DMGDH: variants seen among roughly 807,000 people sequenced by gnomAD.
DMGDH encodes dimethylglycine dehydrogenase, mitochondrial.
A neutral mutation model predicts 95.2 loss-of-function variants in DMGDH; 76 were observed. The observed-to-expected ratio is 0.80, with a 90% CI of 0.66 to 0.97. DMGDH has a LOEUF of 0.97. Ranked by LOEUF, DMGDH falls within the 50% of genes least tolerant of loss-of-function variation. The probability of loss-of-function intolerance (pLI) is 0.00; values close to 1 mark genes in which losing one functional copy is unlikely to be tolerated. For synonymous variants in DMGDH, 345 were observed against 377.6 expected (o/e 0.91, Z 1.00); for missense variants, 987 against 1,055.0 (o/e 0.94, Z 0.89).
chr5:79,018,233 G>A (rs1291796397), intron 14 of DMGDH, among the ~76,000 whole-genome samples: 1 of 152,070 alleles, frequency 6.6e-6, no homozygotes, highest in Non-Finnish European at 1.5e-5. Context: ...GGAGATGGAA[G>A]TCTCACTATG....
chr5:79,006,848 C>A (rs1561206457), intron 14 of DMGDH, among the ~76,000 whole-genome samples: 2 of 127,800 alleles, frequency 1.6e-5, no homozygotes, highest in African/African-American at 5.8e-5. Context: ...ACCTGAGACC[C>A]CCCCAGTCCA....
intron 1 of DMGDH, among the ~76,000 whole-genome samples, chr5:79,064,039 T>C (rs1356794154): frequency 1.3e-5 from 2 of 152,176 alleles, no homozygotes; most frequent in African/African-American, 2.4e-5. Flanking sequence ...AATGAACAAG[T>C]AGCTTCTTTT....
intron 13 of DMGDH, among the ~76,000 whole-genome samples, chr5:79,025,044 T>C (rs1753961765): frequency 1.3e-5 from 2 of 152,262 alleles, no homozygotes; most frequent in Admixed American, 1.3e-4. Flanking sequence ...CGTTGCCTCA[T>C]ATTTCTTAAT....
chr5:79,061,589 A>G (rs1755211157), intron 2 of DMGDH, among the ~76,000 whole-genome samples: 1 of 152,180 alleles, frequency 6.6e-6, no homozygotes, highest in African/African-American at 2.4e-5. Flanking sequence ...GGGACATCTA[A>G]GAAATAAAAT....
At chr5:79,021,469 G>GAA in intron 14 of DMGDH, 1 of 1,232,170 alleles carries the variant, frequency 8.1e-7, no homozygotes, top group Non-Finnish European at 1.0e-6. Context: ...AACAGCAGGG[G>GAA]AAGGAGGCTG....
chr5:79,043,230 G>A (rs542861413), intron 6 of DMGDH, among the ~76,000 whole-genome samples: 3 of 152,266 alleles, frequency 2.0e-5, no homozygotes, highest in Non-Finnish European at 4.4e-5. Flanking sequence ...TAGCACACAC[G>A]GGTACCCATG....
chr5:79,062,844 A>C (rs1755250427), intron 2 of DMGDH, among the ~76,000 whole-genome samples: 1 of 152,228 alleles, frequency 6.6e-6, no homozygotes, highest in South Asian at 2.1e-4. Context: ...CTGTAATCTC[A>C]GCACTTTGGG....
intron 7 of DMGDH, among the ~76,000 whole-genome samples, chr5:79,041,596 G>A (rs1026791394): frequency 3.3e-5 from 5 of 152,126 alleles, no homozygotes; most frequent in East Asian, 1.9e-4. Context: ...TTGTCACATC[G>A]TGTTATGAAA....
intron 7 of DMGDH, among the ~76,000 whole-genome samples, chr5:79,034,925 C>T (rs563599077): frequency 2.0e-5 from 3 of 151,248 alleles, no homozygotes; most frequent in East Asian, 1.9e-4. Context: ...GGCGTGTTGG[C>T]GGGCGCCTGT....
At chr5:78,998,563 GT>G (rs1199097724) in intron 15 of DMGDH, among the ~76,000 whole-genome samples, 3 of 152,180 alleles carry the variant, frequency 2.0e-5, no homozygotes, top group Non-Finnish European at 4.4e-5. Context: ...GTAATACTTG[GT>G]TTAGGCCAGG....
chr5:79,044,256 T>A, intron 6 of DMGDH, 48 bp downstream of exon 6: 4 of 1,613,772 alleles, frequency 2.5e-6, no homozygotes, highest in Non-Finnish European at 3.4e-6. Flanking sequence ...ATGGAGAGGA[T>A]GAACCATTCA....
Position 79,042,356 on chromosome 5 carries a change from A to G in DMGDH, c.1120T>C (p.Tyr374His). The G allele has an allele frequency of 4.3e-6, 7 of 1,614,228 alleles. No individual in the cohort carries two copies. Among genetic ancestry groups the G allele is most frequent in the Non-Finnish European group, 4.2e-6 (5 of 1,180,028 alleles). Residue 374 changes from tyrosine (Y) to histidine (H), a missense_variant, in exon 7 of 16, where the codon TAT (tyrosine) becomes CAT (histidine). Physicochemically the swap from Tyr to His is moderately conservative, Grantham distance 83. Transcript: ENST00000255189. ...ACCATAGGCAGAATGTCAGGAGAAT[A>G]CGTGATAGGACCATTGACAACATTG... ...IINVVNGPITYSPDILPMVGP... is the reference protein window; with the variant it reads ...IINVVNGPITHSPDILPMVGP...
intron 14 of DMGDH, 84 bp downstream of exon 14, chr5:79,024,187 T>C: frequency 1.6e-6 from 2 of 1,263,888 alleles, no homozygotes; most frequent in Non-Finnish European, 2.3e-6. Context: ...CCATACTTGG[T>C]TAAATTTTAA....
At chr5:79,000,709 A>C (rs1184736809) in intron 15 of DMGDH, 1 of 618,428 alleles carries the variant, frequency 1.6e-6, no homozygotes, top group Non-Finnish European at 3.1e-6. Context: ...TATTTTCTCC[A>C]CTCACAGGTA....
At chr5:79,042,213 G>A in intron 7 of DMGDH, 70 bp downstream of exon 7, 1 of 1,423,644 alleles carries the variant, frequency 7.0e-7, no homozygotes, top group Non-Finnish European at 9.9e-7. Flanking sequence ...TGCATCCTGA[G>A]AATATGGAAC....
At chr5:79,040,885 C>T (rs1470405490) in intron 7 of DMGDH, among the ~76,000 whole-genome samples, 1 of 151,698 alleles carries the variant, frequency 6.6e-6, no homozygotes, top group East Asian at 1.9e-4. Flanking sequence ...CATATGGACT[C>T]TATAGGTGAC....
At chr5:79,012,137 C>T (rs903956263) in intron 14 of DMGDH, among the ~76,000 whole-genome samples, 1 of 152,146 alleles carries the variant, frequency 6.6e-6, no homozygotes, top group Non-Finnish European at 1.5e-5. Flanking sequence ...AAGTTAGTTA[C>T]CTCTAAGATA....
intron 2 of DMGDH, among the ~76,000 whole-genome samples, chr5:79,061,940 A>T (rs1280495948): frequency 6.6e-6 from 1 of 152,152 alleles, no homozygotes; most frequent in Non-Finnish European, 1.5e-5. Flanking sequence ...TAGTAATAAA[A>T]TCCAATGCAG....
At position 79,025,023 on chromosome 5, in the gene DMGDH, A is replaced by G. The variant is rs148044074; in HGVS notation, c.2191-693T>C. ...CTAAATGAAAGTACGCTTGTTTTAT[A>G]TGACGTAAAACGTTGCCTCATATTT... On this transcript the variant is annotated intron_variant, in intron 13 of 15. Coordinates refer to ENST00000255189, the MANE Select transcript of DMGDH (RefSeq NM_013391.3). 7.6e-3 allele frequency among the ~76,000 whole-genome samples: 1,161 copies of G among 152,376 alleles called. 15 individuals are homozygous for G. The highest frequency in any genetic ancestry group is 0.026 in the African/African-American group (1,100 of 41,584).
Sources: allele counts gnomAD v4.1 joint callset (sites outside exome capture counted in the v4.1 genomes callset), GRCh38; gene constraint gnomAD v4.1.1; transcripts MANE v1.5; gene names NCBI Gene and HGNC (gene_info 2026-07-23, HGNC 2026-07-21).